The following GPC5 variants were observed in gnomAD, a reference collection of about 807,000 sequenced individuals.
The protein encoded by GPC5 is glypican-5.
GPC5 carries 47 observed loss-of-function variants against 53.9 expected under a neutral mutation model. That is an observed-to-expected ratio of 0.87 (90% CI 0.69 to 1.11). The LOEUF (loss-of-function observed/expected upper bound fraction) is 1.11, where lower values mean the gene tolerates loss of function less well. Ranked by LOEUF, GPC5 falls within the 50% of genes most tolerant of loss-of-function variation. The probability of loss-of-function intolerance (pLI) is 0.00; values close to 1 mark genes in which losing one functional copy is unlikely to be tolerated. For synonymous variants in GPC5, 286 were observed against 263.3 expected, an observed-to-expected ratio of 1.09 and a Z score of -0.84; for missense variants, 748 against 713.1, an observed-to-expected ratio of 1.05 and a Z score of -0.56.
At chr13:91,590,284 A>G (rs2032749841) in intron 2 of GPC5, among the ~76,000 whole-genome samples, 1 of 151,998 alleles carries the variant, frequency 6.6e-6, no homozygotes, top group Admixed American at 6.6e-5. Flanking sequence ...TAAGCTTGCC[A>G]TTTTTGATTA....
intron 7 of GPC5, among the ~76,000 whole-genome samples, chr13:92,639,302 C>G (rs1057328737): frequency 2.2e-4 from 33 of 152,124 alleles, no homozygotes; most frequent in African/African-American, 7.2e-4. Context: ...AGAATAGATT[C>G]TATTGTAAAA....
intron 7 of GPC5, among the ~76,000 whole-genome samples, chr13:92,647,001 T>A (rs1231745415): frequency 6.6e-6 from 1 of 151,002 alleles, no homozygotes; most frequent in Non-Finnish European, 1.5e-5. Flanking sequence ...CTTGGAAATT[T>A]CACGTTTAAA....
intron 5 of GPC5, among the ~76,000 whole-genome samples, chr13:91,876,943 C>T (rs9671168): frequency 0.011 from 1,745 of 152,282 alleles, 16 homozygotes; most frequent in African/African-American, 0.025. Context: ...CCCTGTGTCT[C>T]AGCCACTCCA....
intron 7 of GPC5, among the ~76,000 whole-genome samples, chr13:92,208,854 A>G (rs961680961): frequency 2.0e-5 from 3 of 152,242 alleles, no homozygotes; most frequent in African/African-American, 7.2e-5. Flanking sequence ...ATTGACACAG[A>G]GAATGCTGCA....
intron 7 of GPC5, among the ~76,000 whole-genome samples, chr13:92,145,482 CAA>C (rs377533178): frequency 7.2e-6 from 1 of 139,504 alleles, no homozygotes. Flanking sequence ...TTTCCCCTTC[CAA>C]AAAAAAAAAC....
At chr13:92,094,332 C>T (rs1356829538) in intron 6 of GPC5, among the ~76,000 whole-genome samples, 4 of 151,756 alleles carry the variant, frequency 2.6e-5, no homozygotes, top group African/African-American at 7.3e-5. Flanking sequence ...CTGGCTAACA[C>T]GGTGAAACCA....
At chr13:91,449,454 G>A (rs572094167) in intron 2 of GPC5, among the ~76,000 whole-genome samples, 6 of 151,962 alleles carry the variant, frequency 3.9e-5, no homozygotes, top group Non-Finnish European at 7.4e-5. Flanking sequence ...CCATCAGCCC[G>A]TCATCTAGGT....
At chr13:92,596,454 A>G (rs1003824898) in intron 7 of GPC5, among the ~76,000 whole-genome samples, 2 of 151,906 alleles carry the variant, frequency 1.3e-5, no homozygotes, top group South Asian at 2.1e-4. Context: ...ATATATGTGT[A>G]TATATATTCA....
intron 7 of GPC5, among the ~76,000 whole-genome samples, chr13:92,683,226 GGAAA>G (rs1195089007): frequency 1.3e-5 from 2 of 152,116 alleles, no homozygotes; most frequent in Admixed American, 6.6e-5. Context: ...AGAAAAAAAA[GGAAA>G]GAGAGAGAAA....
intron 7 of GPC5, among the ~76,000 whole-genome samples, chr13:92,403,538 T>C (rs913444778): frequency 6.6e-6 from 1 of 152,162 alleles, no homozygotes; most frequent in South Asian, 2.1e-4. Flanking sequence ...ATGTTCCTTA[T>C]GAGAATCTAA....
Position 92,293,383 on chromosome 13 carries a change from C to T in GPC5, c.1561+148394C>T, listed in dbSNP as rs1371666947. ...TTTTCCTTGTAGAGGTCTTTCACCT[C>T]TTTGGTTAGGTATACTCCTAAGGTT... is the stretch of plus-strand genomic sequence containing the variant. On this transcript the variant is annotated intron_variant, in intron 7 of 7. Coordinates refer to ENST00000377067, the MANE Select transcript of GPC5 (RefSeq NM_004466.6). 5.2e-5 allele frequency among the ~76,000 whole-genome samples: 6 copies of T among 114,880 alleles called. No homozygotes were observed. The South Asian group carries it at 1.5e-3, about 28-fold the overall frequency. 75.4% of individuals were successfully genotyped at this position (114,880 alleles called of 152,430 possible).
intron 7 of GPC5, among the ~76,000 whole-genome samples, chr13:92,760,135 A>G (rs75678531): frequency 5.3e-4 from 81 of 152,172 alleles, no homozygotes; most frequent in Non-Finnish European, 7.5e-4. Context: ...TATTTGGCCT[A>G]TAGTTTATTT....
At chr13:91,914,444 T>G (rs1198582724) in intron 6 of GPC5, among the ~76,000 whole-genome samples, 2 of 152,084 alleles carry the variant, frequency 1.3e-5, no homozygotes, top group African/African-American at 4.8e-5. Context: ...GACCCAAACT[T>G]CTTTTCAAAA....
intron 7 of GPC5, among the ~76,000 whole-genome samples, chr13:92,287,097 T>C (rs1647483577): frequency 6.6e-6 from 1 of 152,198 alleles, no homozygotes. Context: ...TAGTAATTTT[T>C]TATGGCAGCC....
chr13:91,762,383 C>T (rs1165159615), intron 5 of GPC5, among the ~76,000 whole-genome samples: 1 of 151,694 alleles, frequency 6.6e-6, no homozygotes, highest in Non-Finnish European at 1.5e-5. Context: ...TTCTTCCTGA[C>T]CTTACAGCAT....
At chr13:92,752,708 T>C (rs1175781190) in intron 7 of GPC5, among the ~76,000 whole-genome samples, 1 of 152,070 alleles carries the variant, frequency 6.6e-6, no homozygotes, top group East Asian at 1.9e-4. Context: ...TTCCCTTTCC[T>C]AGTCAAAGAA....
At chr13:92,027,986 C>T (rs959925402) in intron 6 of GPC5, among the ~76,000 whole-genome samples, 1 of 152,118 alleles carries the variant, frequency 6.6e-6, no homozygotes, top group Non-Finnish European at 1.5e-5. Flanking sequence ...ATTAAGCTAA[C>T]TCCTCAAATT....
intron 7 of GPC5, among the ~76,000 whole-genome samples, chr13:92,220,568 A>C (rs1016047308): frequency 1.3e-5 from 2 of 152,232 alleles, no homozygotes; most frequent in African/African-American, 4.8e-5. Flanking sequence ...AGTAAACTTA[A>C]CTATACAGGC....
chr13:92,631,197 T>TA (rs556417687), intron 7 of GPC5, among the ~76,000 whole-genome samples: 40 of 152,244 alleles, frequency 2.6e-4, no homozygotes, highest in Middle Eastern at 3.4e-3. Flanking sequence ...TCAATGTTAT[T>TA]AAAATGTAAA....
Sources: gnomAD v4.1 joint callset for allele counts (sites outside exome capture counted in the v4.1 genomes callset) on GRCh38, gnomAD v4.1.1 for gene constraint, MANE v1.5 for transcripts, NCBI Gene and HGNC (gene_info 2026-07-23, HGNC 2026-07-21) for gene names.